The following COL21A1 variants were observed in gnomAD, a reference collection of about 807,000 sequenced individuals.
The protein encoded by COL21A1 is collagen alpha-1(XXI) chain.
A neutral mutation model predicts 137.9 loss-of-function variants in COL21A1; 149 were observed. The observed-to-expected ratio is 1.08, with a 90% CI of 0.95 to 1.24. The LOEUF (loss-of-function observed/expected upper bound fraction) is 1.24, where lower values mean the gene tolerates loss of function less well. Ranked by LOEUF, COL21A1 falls within the 50% of genes most tolerant of loss-of-function variation. COL21A1 has a pLI of 0.00. For missense variants in COL21A1, 1,167 were observed against 1,158.4 expected (o/e 1.01, Z -0.11); for synonymous variants, 456 against 391.5 (o/e 1.16, Z -1.95).
intron 16 of COL21A1, among the ~76,000 whole-genome samples, chr6:56,105,621 T>C (rs964106904): frequency 2.0e-5 from 3 of 152,190 alleles, no homozygotes; most frequent in Non-Finnish European, 2.9e-5. Flanking sequence ...AACCAGTTGG[T>C]GAGCAGAATT....
chr6:56,146,213 A>T (rs900233797), intron 10 of COL21A1, among the ~76,000 whole-genome samples: 23 of 152,164 alleles, frequency 1.5e-4, no homozygotes, highest in African/African-American at 5.1e-4. Flanking sequence ...AAAATGTAAG[A>T]ATGTGATTTA....
intron 1 of COL21A1, among the ~76,000 whole-genome samples, chr6:56,236,438 G>T (rs763193030): frequency 3.3e-5 from 5 of 151,994 alleles, no homozygotes; most frequent in Non-Finnish European, 5.9e-5. Context: ...GAGGGGTTAA[G>T]GCATCAAGAA....
At chr6:56,291,564 G>A (rs1011919604) in intron 1 of COL21A1, among the ~76,000 whole-genome samples, 3 of 152,238 alleles carry the variant, frequency 2.0e-5, no homozygotes, top group Non-Finnish European at 2.9e-5. Context: ...CCAAAATGCG[G>A]GTCGCAGAGT....
intron 1 of COL21A1, among the ~76,000 whole-genome samples, chr6:56,190,808 T>C (rs1056921941): frequency 6.6e-6 from 1 of 152,156 alleles, no homozygotes; most frequent in Non-Finnish European, 1.5e-5. Context: ...TAAATGTGAT[T>C]CATCACATAA....
At chr6:56,380,807 T>A (rs757988428) in intron 1 of COL21A1, among the ~76,000 whole-genome samples, 14 of 152,216 alleles carry the variant, frequency 9.2e-5, no homozygotes, top group Non-Finnish European at 1.6e-4. Context: ...GGTGTGCCTA[T>A]GGAGAAAATC....
rs753737607 is a variant in COL21A1, at chr6:56,156,923, A to G, written c.1398T>C (p.Pro466=). 5 of 1,612,118 alleles carry G rather than the reference A, an allele frequency of 3.1e-6. No homozygotes were observed. The highest frequency in any genetic ancestry group is 4.2e-6 in the Non-Finnish European group (5 of 1,179,244). Residue 466 remains proline (P), a synonymous_variant, in exon 10 of 30, where the codon CCT becomes CCC. Coordinates refer to ENST00000244728, the MANE Select transcript of COL21A1 (RefSeq NM_030820.4). ...PKGDPGLPGN[P]GYPGQPGQDG... ...CTTGACCAGGTTGTCCAGGGTAGCC[A>G]GGGTTCCCAGGCAGTCCAGGGTCAC... is the stretch of plus-strand genomic sequence containing the variant.
chr6:56,207,634 GA>G, intron 1 of COL21A1, among the ~76,000 whole-genome samples: 1 of 152,208 alleles, frequency 6.6e-6, no homozygotes, highest in South Asian at 2.1e-4. Flanking sequence ...CATTCCTTCT[GA>G]AACTATTCCA....
intron 27 of COL21A1, chr6:56,060,457 A>T (rs1031783474): frequency 7.9e-6 from 4 of 509,104 alleles, no homozygotes; most frequent in Admixed American, 3.9e-5. Context: ...CCCAAAAGAA[A>T]TTGGTGGACT....
At chr6:56,206,184 C>A (rs934949397) in intron 1 of COL21A1, among the ~76,000 whole-genome samples, 1 of 152,014 alleles carries the variant, frequency 6.6e-6, no homozygotes, top group Non-Finnish European at 1.5e-5. Flanking sequence ...AAGACACAGA[C>A]TGGCAAATTG....
rs568225551 is a variant in COL21A1, at chr6:56,170,382, T to C, written c.1026+267A>G. On this transcript the variant is annotated intron_variant, in intron 5 of 29. Transcript: ENST00000244728. Reference sequence around the variant, plus strand: ...CAAAATGGGAGCAATGGTTTCTTTATTGGATGGCTATTATAATTAAATGTG... The same window carrying C: ...CAAAATGGGAGCAATGGTTTCTTTACTGGATGGCTATTATAATTAAATGTG... Among the ~76,000 whole-genome samples the C allele has an allele frequency of 2.0e-5, 3 of 152,068 alleles. No individual in the cohort carries two copies. In the East Asian group the frequency reaches 5.8e-4, roughly 29 times the overall value.
At chr6:56,293,468 A>G (rs1764099891) in intron 1 of COL21A1, among the ~76,000 whole-genome samples, 1 of 152,154 alleles carries the variant, frequency 6.6e-6, no homozygotes, top group Non-Finnish European at 1.5e-5. Context: ...TCTTCAGACA[A>G]CAACAAAAAA....
intron 1 of COL21A1, 43 bp downstream of exon 1, chr6:56,247,344 T>A (rs1167012265): frequency 6.6e-6 from 1 of 151,168 alleles, no homozygotes; most frequent in Non-Finnish European, 1.5e-5. Context: ...CCCCCCGAGA[T>A]GTCATTCTGG....
intron 16 of COL21A1, among the ~76,000 whole-genome samples, chr6:56,102,145 T>C (rs565573521): frequency 6.6e-6 from 1 of 152,272 alleles, no homozygotes; most frequent in East Asian, 1.9e-4. Context: ...GGAAGCTAAA[T>C]TTTTTTCCTA....
intron 3 of COL21A1, among the ~76,000 whole-genome samples, chr6:56,178,696 T>A (rs1777672189): frequency 6.6e-6 from 1 of 152,094 alleles, no homozygotes; most frequent in South Asian, 2.1e-4. Flanking sequence ...TATTAGCATA[T>A]CTATGCCCTA....
intron 1 of COL21A1, among the ~76,000 whole-genome samples, chr6:56,318,257 A>G (rs1408121594): frequency 6.6e-6 from 1 of 152,104 alleles, no homozygotes; most frequent in Non-Finnish European, 1.5e-5. Context: ...CACTCTGGTG[A>G]AATCTAACTC....
At chr6:56,125,456 G>C in intron 14 of COL21A1, 111 bp downstream of exon 14, 1 of 648,200 alleles carries the variant, frequency 1.5e-6, no homozygotes, top group Non-Finnish European at 2.6e-6. Context: ...CCCTAAGAAG[G>C]GTGAACAGAG....
chr6:56,288,375 A>G (rs1057315660), intron 1 of COL21A1, among the ~76,000 whole-genome samples: 1 of 152,206 alleles, frequency 6.6e-6, no homozygotes, highest in Non-Finnish European at 1.5e-5. Flanking sequence ...TACACTTTAA[A>G]TACAAATAAA....
At chr6:56,161,432 G>A (rs544350982) in intron 9 of COL21A1, among the ~76,000 whole-genome samples, 12 of 152,240 alleles carry the variant, frequency 7.9e-5, no homozygotes, top group African/African-American at 2.6e-4. Flanking sequence ...GGTGGACCTG[G>A]ATCTTTCTCG....
At chr6:56,151,799 C>T (rs1419322505) in intron 10 of COL21A1, among the ~76,000 whole-genome samples, 2 of 152,186 alleles carry the variant, frequency 1.3e-5, no homozygotes, top group African/African-American at 4.8e-5. Flanking sequence ...CCCACACCTA[C>T]CCACTCCCAC....
Sources: gnomAD v4.1 joint callset for allele counts (sites outside exome capture counted in the v4.1 genomes callset) on GRCh38, gnomAD v4.1.1 for gene constraint, MANE v1.5 for transcripts, NCBI Gene and HGNC (gene_info 2026-07-23, HGNC 2026-07-21) for gene names.